Variants in CNOT4 observed in about 807,000 individuals in gnomAD.
CNOT4 encodes CCR4-associated factor 4.
In CNOT4, 8 loss-of-function variants were observed where a neutral mutation model predicts 73.8. The observed-to-expected ratio is 0.11, with a 90% CI of 0.06 to 0.20. The LOEUF (loss-of-function observed/expected upper bound fraction) is 0.20. CNOT4 is among the 10% of genes least tolerant of loss of function. CNOT4 has a pLI of 1.00. For missense variants in CNOT4, 564 were observed against 883.4 expected, an observed-to-expected ratio of 0.64 and a Z score of 4.58; for synonymous variants, 293 against 321.1, an observed-to-expected ratio of 0.91 and a Z score of 0.94.
At chr7:135,392,158 T>G (rs1025974476) in intron 10 of CNOT4, among the ~76,000 whole-genome samples, 2 of 152,126 alleles carry the variant, frequency 1.3e-5, no homozygotes, top group Non-Finnish European at 2.9e-5. Flanking sequence ...TCCTACTTAT[T>G]CAATGAAGCC....
At chr7:135,470,571 T>TAA (rs34649236) in intron 1 of CNOT4, among the ~76,000 whole-genome samples, 2 of 145,686 alleles carry the variant, frequency 1.4e-5, no homozygotes, top group South Asian at 2.2e-4. Flanking sequence ...GACTCTGTCT[T>TAA]AAAAAAAAAA....
chr7:135,425,653 C>T (rs950583877), intron 2 of CNOT4, among the ~76,000 whole-genome samples: 2 of 152,140 alleles, frequency 1.3e-5, no homozygotes, highest in Admixed American at 1.3e-4. Context: ...ATATCTTATT[C>T]CAGTACCTTA....
intron 7 of CNOT4, among the ~76,000 whole-genome samples, chr7:135,400,351 G>A (rs964667244): frequency 6.6e-6 from 1 of 152,022 alleles, no homozygotes; most frequent in Non-Finnish European, 1.5e-5. Flanking sequence ...ACATAATAGC[G>A]ATAATCCGAG....
chr7:135,427,473 T>C (rs1284946896), intron 2 of CNOT4, among the ~76,000 whole-genome samples: 1 of 152,198 alleles, frequency 6.6e-6, no homozygotes, highest in Non-Finnish European at 1.5e-5. Context: ...CTAATAAATG[T>C]ATTCACAGCT....
At chr7:135,403,621 A>G (rs1797117552) in intron 7 of CNOT4, among the ~76,000 whole-genome samples, 1 of 152,184 alleles carries the variant, frequency 6.6e-6, no homozygotes, top group Non-Finnish European at 1.5e-5. Context: ...AAAATAAAAT[A>G]AAAAGGTAAG....
chr7:135,432,161 T>G (rs1474279060), intron 2 of CNOT4, among the ~76,000 whole-genome samples: 2 of 152,188 alleles, frequency 1.3e-5, no homozygotes, highest in Non-Finnish European at 2.9e-5. Context: ...TAATCATCAA[T>G]GGACAGAATA....
At chr7:135,386,209 A>G (rs1332959920) in intron 10 of CNOT4, 1 of 151,110 alleles carries the variant, frequency 6.6e-6, no homozygotes, top group South Asian at 2.1e-4. Context: ...CACAAATCTA[A>G]TAACTATGGA....
At chr7:135,433,674 T>C (rs1214443310) in intron 2 of CNOT4, among the ~76,000 whole-genome samples, 1 of 152,142 alleles carries the variant, frequency 6.6e-6, no homozygotes, top group East Asian at 1.9e-4. Flanking sequence ...CCTGTTTTTG[T>C]TTCATAGATA....
At chr7:135,463,267 G>C (rs1420434088) in intron 1 of CNOT4, among the ~76,000 whole-genome samples, 1 of 152,200 alleles carries the variant, frequency 6.6e-6, no homozygotes, top group Non-Finnish European at 1.5e-5. Context: ...ACCGGGCACG[G>C]TGGCTCATGC....
chr7:135,408,466 T>C (rs1797419163), intron 7 of CNOT4, among the ~76,000 whole-genome samples: 1 of 152,186 alleles, frequency 6.6e-6, no homozygotes, highest in South Asian at 2.1e-4. Flanking sequence ...GGAATTAGTG[T>C]ATAAGAAAAT....
intron 1 of CNOT4, among the ~76,000 whole-genome samples, chr7:135,493,460 A>C (rs1803250832): frequency 6.6e-6 from 1 of 152,226 alleles, no homozygotes; most frequent in Non-Finnish European, 1.5e-5. Context: ...CAAAGTACGA[A>C]GTAGACAAAA....
intron 10 of CNOT4, among the ~76,000 whole-genome samples, chr7:135,365,467 A>G (rs1199097442): frequency 1.3e-5 from 2 of 151,874 alleles, no homozygotes; most frequent in African/African-American, 4.8e-5. Flanking sequence ...CAATTATTTC[A>G]TGTGATCTTC....
chr7:135,415,909 A>G (rs1797849294), intron 3 of CNOT4, among the ~76,000 whole-genome samples: 1 of 151,670 alleles, frequency 6.6e-6, no homozygotes, highest in South Asian at 2.1e-4. Context: ...AAACAAATTT[A>G]CACGTTTCTT....
In CNOT4 at chr7:135,363,991, T is replaced by C; in HGVS notation, c.1703A>G (p.Asn568Ser). Residue 568 changes from asparagine (N) to serine (S), a missense_variant, in exon 11 of 12, where the codon AAC becomes AGC. By Grantham distance (46) the Asn-to-Ser change is conservative (BLOSUM62 1). Coordinates refer to ENST00000541284, the MANE Select transcript of CNOT4 (RefSeq NM_001190850.2). This position sits in a 1 kb window ranked among gnomAD's most constrained non-coding sequence, Gnocchi z 4.3. ...DGLRALLPNI[N>S]INFGGLPNSS... The stretch of plus-strand genomic sequence containing the variant: ...ATTGGGCAGTCCACCAAAGTTGATG[T>C]TAATGTTGGGTAGAAGTGCCCTTAG... The C allele has an allele frequency of 3.1e-6, 5 of 1,598,490 alleles. No individual in the cohort carries two copies. The highest frequency in any genetic ancestry group is 4.2e-6 in the Non-Finnish European group (5 of 1,179,774).
chr7:135,413,198 C>T (rs543043061), intron 6 of CNOT4, among the ~76,000 whole-genome samples: 15 of 151,996 alleles, frequency 9.9e-5, no homozygotes, highest in African/African-American at 1.4e-4. Context: ...AAATTCCCTT[C>T]GTGGATCTGT....
chr7:135,441,442 A>G (rs367794212), intron 1 of CNOT4, among the ~76,000 whole-genome samples: 1 of 152,012 alleles, frequency 6.6e-6, no homozygotes, highest in South Asian at 2.1e-4. Flanking sequence ...ATTTGCCACT[A>G]TCAGTTTTCA....
chr7:135,460,332 G>A (rs1317884951), intron 1 of CNOT4, among the ~76,000 whole-genome samples: 1 of 152,142 alleles, frequency 6.6e-6, no homozygotes, highest in South Asian at 2.1e-4. Flanking sequence ...ATCTCATGAG[G>A]CTTTTGACAT....
At chr7:135,388,890 T>C in intron 10 of CNOT4, 1 of 1,612,610 alleles carries the variant, frequency 6.2e-7, no homozygotes, top group Non-Finnish European at 8.5e-7. Flanking sequence ...TCACCTCTTC[T>C]TCCCCTGTGG....
rs1395669503 is a variant in CNOT4 at position 135,364,923 on chromosome 7, A to G, written c.1628-857T>C. Among the ~76,000 whole-genome samples the G allele has an allele frequency of 6.6e-6, 1 of 152,266 alleles. No individual in the cohort carries two copies. The highest frequency in any genetic ancestry group is 1.5e-5 in the Non-Finnish European group (1 of 68,044). On this transcript the variant is annotated intron_variant, in intron 10 of 11. Coordinates refer to ENST00000541284, the MANE Select transcript of CNOT4 (RefSeq NM_001190850.2). This position sits in a 1 kb window ranked among gnomAD's most constrained non-coding sequence, Gnocchi z 4.3. Reference sequence around the variant, plus strand: ...CTGGTCAGGGGGAAAAGGGTGAAGTATAACAACTACCTAATTGTTTAACAA... The same window carrying G: ...CTGGTCAGGGGGAAAAGGGTGAAGTGTAACAACTACCTAATTGTTTAACAA...
Sources: gnomAD v4.1 joint callset for allele counts (sites outside exome capture counted in the v4.1 genomes callset) on GRCh38, gnomAD v4.1.1 for gene constraint, Gnocchi (gnomAD v3.1) non-coding constraint, MANE v1.5 for transcripts, NCBI Gene and HGNC (gene_info 2026-07-23, HGNC 2026-07-21) for gene names.